Variants in CAMKK2 observed in about 807,000 individuals in gnomAD.
CAMKK2 encodes the protein calcium/calmodulin-dependent protein kinase kinase 2.
Under a neutral mutation model 67.2 loss-of-function variants are expected in CAMKK2, and 30 were observed. The observed-to-expected ratio is 0.45, with a 90% CI of 0.33 to 0.61. CAMKK2 has a LOEUF of 0.61. Among genes scored for constraint, CAMKK2 ranks in the 20% least tolerant of loss-of-function variants. The pLI is 0.02. For synonymous variants in CAMKK2, 322 were observed against 326.2 expected (o/e 0.99, Z 0.14); for missense variants, 643 against 802.0 (o/e 0.80, Z 2.39).
At position 121,250,849 on chromosome 12, in the gene CAMKK2, T is replaced by C. The variant is rs1391903019; in HGVS notation, c.1162-815A>G. Among the ~76,000 whole-genome samples, 3 of 152,164 alleles carry C rather than the reference T, an allele frequency of 2.0e-5. No individual in the cohort carries two copies. In the East Asian group the frequency reaches 5.8e-4, roughly 29 times the overall value. Reference sequence around the variant, plus strand: ...TTATTTCTGTCAATCCTCTCAGAAGTCATCAGAAATAATAAGTAGTATTCT... The same window carrying C: ...TTATTTCTGTCAATCCTCTCAGAAGCCATCAGAAATAATAAGTAGTATTCT... On this transcript the variant is annotated intron_variant, in intron 11 of 16. Coordinates refer to ENST00000404169, the MANE Select transcript of CAMKK2 (RefSeq NM_001270485.2).
intron 12 of CAMKK2, 22 bp downstream of exon 12, chr12:121,249,939 C>A (rs772540560): frequency 3.1e-6 from 5 of 1,613,316 alleles, no homozygotes; most frequent in Non-Finnish European, 1.7e-6. Flanking sequence ...AGGAGAGATG[C>A]GGGACGGCGG....
In CAMKK2 at chr12:121,253,906, C is replaced by T. The variant is rs1486591376; in HGVS notation, c.908-434G>A. ...CAAACCGACAATGACCTGAGCAGGC[C>T]GATTTGAAATGTGAACCACACACAG... On this transcript the variant is annotated intron_variant, in intron 9 of 16. Transcript: ENST00000404169. This position sits in a 1 kb window ranked among gnomAD's most constrained non-coding sequence, Gnocchi z 5.0. 6.6e-6 allele frequency among the ~76,000 whole-genome samples: 1 copy of T among 152,074 alleles called. No homozygotes were observed. Among genetic ancestry groups the T allele is most frequent in the Non-Finnish European group, 1.5e-5 (1 of 68,024 alleles).
rs975017514 is a variant in CAMKK2, at chr12:121,253,210, G to A, written c.1107+63C>T. ...AGCCTGTGTGCGTTGGGTTTCTGCTGCTTACAATCCAGAAGACACTAACAC... is the reference window on the plus strand; with the variant it reads ...AGCCTGTGTGCGTTGGGTTTCTGCTACTTACAATCCAGAAGACACTAACAC... On this transcript the variant is annotated intron_variant, in intron 10 of 16. Transcript: ENST00000404169. The surrounding 1 kb of genome is among the most constrained non-coding windows in gnomAD (Gnocchi z 5.0). 11 of 1,460,664 alleles carry A rather than the reference G, an allele frequency of 7.5e-6. No individual in the cohort carries two copies. In the South Asian group the frequency reaches 1.3e-4, roughly 17 times the overall value. 90.5% of individuals were successfully genotyped at this position (1,460,664 alleles called of 1,614,324 possible). A position where few individuals can be genotyped will look rare whatever the true frequency, so the allele number is the denominator to read the frequency against.
chr12:121,261,205 G>A (rs1893383548), intron 6 of CAMKK2, among the ~76,000 whole-genome samples: 2 of 152,144 alleles, frequency 1.3e-5, no homozygotes, highest in African/African-American at 2.4e-5. Context: ...AAGGTGCCCA[G>A]GGAATATCTG....
intron 14 of CAMKK2, among the ~76,000 whole-genome samples, chr12:121,247,144 G>T (rs114767178): frequency 1.4e-3 from 209 of 152,064 alleles, no homozygotes; most frequent in African/African-American, 4.9e-3. Flanking sequence ...CTCTCTCGGC[G>T]GAGTTAACAC....
chr12:121,248,763 G>A, intron 13 of CAMKK2, 29 bp from the exon 14 acceptor site: 3 of 1,613,030 alleles, frequency 1.9e-6, no homozygotes, highest in Non-Finnish European at 2.5e-6. Flanking sequence ...GGGGTGAGGG[G>A]CAGGTGTGGC....
At chr12:121,252,305 G>T (rs1219792822) in intron 11 of CAMKK2, among the ~76,000 whole-genome samples, 1 of 152,188 alleles carries the variant, frequency 6.6e-6, no homozygotes, top group Non-Finnish European at 1.5e-5. Context: ...TCTCGCTCTT[G>T]TTGCCCAGGC....
intron 16 of CAMKK2, among the ~76,000 whole-genome samples, chr12:121,242,897 C>T (rs1220463371): frequency 9.2e-5 from 14 of 152,268 alleles, no homozygotes; most frequent in African/African-American, 3.4e-4. Context: ...CGCCCGCCAC[C>T]GCGCCCGGCT....
At position 121,268,099 on chromosome 12, in the gene CAMKK2, T is replaced by TATATATATATATAC. The variant is rs755449965; in HGVS notation, c.625+538_625+539insGTATATATATATAT. Among the ~76,000 whole-genome samples the TATATATATATATAC allele has an allele frequency of 7.7e-5, 11 of 143,466 alleles. 1 individual carries two copies. The highest frequency in any genetic ancestry group is 2.2e-4 in the South Asian group (1 of 4,506). The allele number at this position is 143,466 out of a possible 152,430, so 94.1% of individuals were successfully genotyped here. ...CATTGGATGCATATATATATATATA[T>TATATATATATATAC]ACTCTATTCATATTACTTTTAATGG... On this transcript the variant is annotated intron_variant, in intron 5 of 16. Coordinates refer to ENST00000404169, the MANE Select transcript of CAMKK2 (RefSeq NM_001270485.2).
intron 1 of CAMKK2, among the ~76,000 whole-genome samples, chr12:121,283,629 A>T (rs1322396699): frequency 6.6e-6 from 1 of 152,158 alleles, no homozygotes; most frequent in Non-Finnish European, 1.5e-5. Flanking sequence ...CCTGGGCAAC[A>T]TAGTGAGACC....
At chr12:121,292,066 TAAATAAAATA>T (rs1900137501) in intron 1 of CAMKK2, among the ~76,000 whole-genome samples, 1 of 151,466 alleles carries the variant, frequency 6.6e-6, no homozygotes, top group African/African-American at 2.4e-5. Context: ...AAAAAATAAA[TAAATAAAATA>T]AAACAAAATA....
At chr12:121,290,233 C>T (rs565983038) in intron 1 of CAMKK2, among the ~76,000 whole-genome samples, 42 of 152,306 alleles carry the variant, frequency 2.8e-4, no homozygotes, top group Admixed American at 9.2e-4. Flanking sequence ...GCTTTCTGGG[C>T]GGGTATTCCT....
intron 9 of CAMKK2, among the ~76,000 whole-genome samples, chr12:121,255,306 ATATATAATTTTATATATATATAAT>A (rs1302508226): frequency 0.021 from 1,601 of 76,730 alleles, 526 homozygotes; most frequent in African/African-American, 0.072. Context: ...ATATAATTTT[ATATATAATTTTATATATATATAAT>A]TATATATAAT....
At chr12:121,281,406 T>C (rs1020909742) in intron 1 of CAMKK2, among the ~76,000 whole-genome samples, 5 of 152,226 alleles carry the variant, frequency 3.3e-5, no homozygotes, top group African/African-American at 9.7e-5. Context: ...CTGCCAAGGC[T>C]ACGGATGATG....
intron 9 of CAMKK2, among the ~76,000 whole-genome samples, chr12:121,255,344 A>ATATGTAATTATATATATAATTT (rs1891971397): frequency 1.0e-4 from 1 of 9,796 alleles, no homozygotes; most frequent in Non-Finnish European, 2.0e-4. Context: ...ATATAATTTT[A>ATATGTAATTATATATATAATTT]TATATATAAT....
Position 121,285,727 on chromosome 12 carries a change from G to A in CAMKK2, c.-60+10911C>T, listed in dbSNP as rs1264769827. ...CTAGGGAGGCTGAGGTGGGAGGATC[G>A]CTTGAGCTGGGGAGGTTGATGCAGC... On this transcript the variant is annotated intron_variant, in intron 1 of 16. Coordinates refer to ENST00000404169, the MANE Select transcript of CAMKK2 (RefSeq NM_001270485.2). The surrounding 1 kb of genome is among the most constrained non-coding windows in gnomAD (Gnocchi z 4.1). Among the ~76,000 whole-genome samples, 7 of 152,104 alleles carry A rather than the reference G, an allele frequency of 4.6e-5. No homozygotes were observed. Among genetic ancestry groups the A allele is most frequent in the African/African-American group, 9.7e-5 (4 of 41,408 alleles).
At chr12:121,249,699 TGC>T in intron 13 of CAMKK2, 86 bp downstream of exon 13, 2 of 1,046,758 alleles carry the variant, frequency 1.9e-6, no homozygotes, top group South Asian at 2.5e-5. Context: ...GAGGGTGTGG[TGC>T]TGTGGACACA....
chr12:121,243,020 G>C (rs1888677807), intron 16 of CAMKK2, among the ~76,000 whole-genome samples: 1 of 151,678 alleles, frequency 6.6e-6, no homozygotes, highest in Non-Finnish European at 1.5e-5. Context: ...GGGATTACAG[G>C]CGTGAGCCAC....
At chr12:121,267,465 G>A (rs1317773030) in intron 5 of CAMKK2, among the ~76,000 whole-genome samples, 1 of 150,484 alleles carries the variant, frequency 6.6e-6, no homozygotes, top group Non-Finnish European at 1.5e-5. Context: ...TGACAAGGTT[G>A]TGCAACCATC....
Sources: gnomAD v4.1 joint callset for allele counts (sites outside exome capture counted in the v4.1 genomes callset) on GRCh38, gnomAD v4.1.1 for gene constraint, Gnocchi (gnomAD v3.1) non-coding constraint, MANE v1.5 for transcripts, NCBI Gene and HGNC (gene_info 2026-07-23, HGNC 2026-07-21) for gene names.